PCDHGB4: variants seen among roughly 807,000 people sequenced by gnomAD.
PCDHGB4 encodes the protein protocadherin gamma-B4.
A neutral mutation model predicts 60.5 loss-of-function variants in PCDHGB4; 38 were observed. The ratio of observed to expected loss-of-function variants is 0.63; its 90% CI spans 0.48 to 0.82. The LOEUF (loss-of-function observed/expected upper bound fraction) is 0.82, where lower values mean the gene tolerates loss of function less well. Among genes scored for constraint, PCDHGB4 ranks in the 40% least tolerant of loss-of-function variants. The probability of loss-of-function intolerance (pLI) is 0.00; values close to 1 mark genes in which losing one functional copy is unlikely to be tolerated. For missense variants in PCDHGB4, 1,109 were observed against 1,209.6 expected, an observed-to-expected ratio of 0.92 and a Z score of 1.23; for synonymous variants, 456 against 509.7, an observed-to-expected ratio of 0.89 and a Z score of 1.42.
intron 1 of PCDHGB4, chr5:141,392,699 T>C: frequency 2.4e-6 from 3 of 1,248,768 alleles, no homozygotes; most frequent in South Asian, 3.3e-5. Context: ...CGACCCCTGT[T>C]TGGAGGCACT....
intron 1 of PCDHGB4, chr5:141,427,617 G>C (rs1295636754): frequency 1.4e-6 from 1 of 694,694 alleles, no homozygotes. Context: ...TGAAGTCAAC[G>C]ACAATGCTCC....
In PCDHGB4 at chr5:141,431,265, G is replaced by T; in HGVS notation, c.2397+40984G>T. On this transcript the variant is annotated intron_variant, in intron 1 of 3. Transcript: ENST00000519479. The surrounding 1 kb of genome is among the most constrained non-coding windows in gnomAD (Gnocchi z 4.8). ...GATATCGGGAAGAACTCTCTGCAGAGCTACGAGCTCAGCCCGAACACTCAC... is the reference window on the plus strand; with the variant it reads ...GATATCGGGAAGAACTCTCTGCAGATCTACGAGCTCAGCCCGAACACTCAC... 1 of 1,614,168 alleles carries T rather than the reference G, an allele frequency of 6.2e-7. No homozygotes were observed. The highest frequency in any genetic ancestry group is 8.5e-7 in the Non-Finnish European group (1 of 1,180,054).
intron 1 of PCDHGB4, chr5:141,433,104 A>G: frequency 6.2e-7 from 1 of 1,614,214 alleles, no homozygotes; most frequent in Non-Finnish European, 8.5e-7. Flanking sequence ...CTCGTCAGCC[A>G]GGAGAGCTTT....
chr5:141,432,940 T>C lies in PCDHGB4; in HGVS notation c.2397+42659T>C, dbSNP rs142546730. On this transcript the variant is annotated intron_variant, in intron 1 of 3. Transcript: ENST00000519479. This position sits in a 1 kb window ranked among gnomAD's most constrained non-coding sequence, Gnocchi z 6.0. ...GGCACAAGTCACGCCTGCTGCAGGC[T>C]TCAGGAGGCGGCTTGACAGGAGCGC... 6 of 1,614,208 alleles carry C rather than the reference T, an allele frequency of 3.7e-6. No individual in the cohort carries two copies. The highest frequency in any genetic ancestry group is 4.2e-6 in the Non-Finnish European group (5 of 1,180,040).
Position 141,476,472 on chromosome 5 carries a change from T to C in PCDHGB4, c.2398-18335T>C. On this transcript the variant is annotated intron_variant, in intron 1 of 3. Coordinates refer to ENST00000519479, the MANE Select transcript of PCDHGB4 (RefSeq NM_003736.4). The surrounding 1 kb of genome is among the most constrained non-coding windows in gnomAD (Gnocchi z 7.6). The stretch of plus-strand genomic sequence containing the variant: ...GTAGTGGAGAACCCGCTGGAGCTGT[T>C]CAGCGTGGAAGTGGTGATCCAGGAC... 1 of 1,614,098 alleles carries C rather than the reference T, an allele frequency of 6.2e-7. No homozygotes were observed. The highest frequency in any genetic ancestry group is 8.5e-7 in the Non-Finnish European group (1 of 1,180,024).
chr5:141,447,058 G>A (rs1356080567), intron 1 of PCDHGB4, among the ~76,000 whole-genome samples: 1 of 152,068 alleles, frequency 6.6e-6, no homozygotes, highest in Non-Finnish European at 1.5e-5. Flanking sequence ...ATTAAAATGT[G>A]TCAGGCTGTT....
chr5:141,423,865 T>G, intron 1 of PCDHGB4: 1 of 1,285,992 alleles, frequency 7.8e-7, no homozygotes, highest in Non-Finnish European at 9.9e-7. Flanking sequence ...TTTGTGAAAG[T>G]CATTTTTCAA....
chr5:141,399,546 G>T, intron 1 of PCDHGB4: 1 of 1,614,032 alleles, frequency 6.2e-7, no homozygotes. Flanking sequence ...TCTGCGCCTC[G>T]GACCTGGACT....
At chr5:141,413,357 G>C in intron 1 of PCDHGB4, 1 of 1,613,992 alleles carries the variant, frequency 6.2e-7, no homozygotes, top group Non-Finnish European at 8.5e-7. Context: ...CTGGCGCCCC[G>C]GGAGCTGGCG....
At chr5:141,421,873 T>G (rs1219669838) in intron 1 of PCDHGB4, 3 of 1,613,592 alleles carry the variant, frequency 1.9e-6, no homozygotes, top group Non-Finnish European at 2.5e-6. Context: ...CCTCACAGCT[T>G]TAGATGGAGG....
chr5:141,422,349 T>G, intron 1 of PCDHGB4: 1 of 1,554,722 alleles, frequency 6.4e-7, no homozygotes, highest in South Asian at 1.3e-5. Flanking sequence ...ATGTGCAAGA[T>G]CAAGATTCTG....
At chr5:141,410,585 G>A in intron 1 of PCDHGB4, 1 of 1,610,012 alleles carries the variant, frequency 6.2e-7, no homozygotes, top group South Asian at 1.1e-5. Flanking sequence ...TCATGGTGGG[G>A]AGGATTTGAC....
At chr5:141,503,325 G>A (rs1002520312) in intron 2 of PCDHGB4, among the ~76,000 whole-genome samples, 10 of 152,104 alleles carry the variant, frequency 6.6e-5, no homozygotes, top group East Asian at 1.9e-4. Flanking sequence ...GGAGGGGCGC[G>A]GTGGCTCACG....
intron 1 of PCDHGB4, among the ~76,000 whole-genome samples, chr5:141,429,326 T>A (rs571458414): frequency 6.6e-6 from 1 of 152,230 alleles, no homozygotes; most frequent in East Asian, 1.9e-4. Context: ...TTTTCTTTAA[T>A]CCATTAACTA....
In PCDHGB4 at chr5:141,431,788, T is replaced by G. The variant is rs775397713; in HGVS notation, c.2397+41507T>G. 1 of 1,614,190 alleles carries G rather than the reference T, an allele frequency of 6.2e-7. No homozygotes were observed. The highest frequency in any genetic ancestry group is 1.1e-5 in the South Asian group (1 of 91,080). ...TCACTGTTCTGGACGTGAACGACAA[T>G]GCCCCAGAAGTGGTCCTCACCTCTC... On this transcript the variant is annotated intron_variant, in intron 1 of 3. Coordinates refer to ENST00000519479, the MANE Select transcript of PCDHGB4 (RefSeq NM_003736.4). The surrounding 1 kb of genome is among the most constrained non-coding windows in gnomAD (Gnocchi z 4.8).
At chr5:141,479,476 G>A (rs1481785254) in intron 1 of PCDHGB4, 1 of 152,250 alleles carries the variant, frequency 6.6e-6, no homozygotes, top group African/African-American at 2.4e-5. Context: ...CCTCTTGGGA[G>A]GGCAGGACCA....
At chr5:141,503,478 C>T (rs1249372985) in intron 2 of PCDHGB4, among the ~76,000 whole-genome samples, 3 of 151,680 alleles carry the variant, frequency 2.0e-5, no homozygotes, top group East Asian at 1.9e-4. Context: ...GTGCACTTGT[C>T]GTCCCAGCTG....
In PCDHGB4 at chr5:141,491,729, C is replaced by T. The variant is rs766649819; in HGVS notation, c.2398-3078C>T. On this transcript the variant is annotated intron_variant, in intron 1 of 3. Coordinates refer to ENST00000519479, the MANE Select transcript of PCDHGB4 (RefSeq NM_003736.4). This position sits in a 1 kb window ranked among gnomAD's most constrained non-coding sequence, Gnocchi z 6.9. ...AGGGGCTCGGCGCCGCCCCGGGCGA[C>T]CCCTGGGGGCGGCACTGGAGAAGCC... 6.1e-5 allele frequency: 98 copies of T among 1,603,832 alleles called. No homozygotes were observed. Among genetic ancestry groups the T allele is most frequent in the Non-Finnish European group, 7.9e-5 (93 of 1,175,848 alleles).
intron 1 of PCDHGB4, chr5:141,427,985 C>T (rs747784722): frequency 3.1e-6 from 5 of 1,597,522 alleles, no homozygotes; most frequent in African/African-American, 2.7e-5. Context: ...CGCTGGGGCC[C>T]GATGGCTCCG....
Sources: allele counts gnomAD v4.1 joint callset (sites outside exome capture counted in the v4.1 genomes callset), GRCh38; gene constraint gnomAD v4.1.1; non-coding constraint Gnocchi (gnomAD v3.1); transcripts MANE v1.5; gene names NCBI Gene and HGNC (gene_info 2026-07-23, HGNC 2026-07-21).